The following C12orf42 variants were observed in gnomAD, a reference collection of about 807,000 sequenced individuals.
C12orf42 encodes uncharacterized protein C12orf42.
Under a neutral mutation model 21.6 loss-of-function variants are expected in C12orf42, and 25 were observed. The ratio of observed to expected loss-of-function variants is 1.16; its 90% confidence interval spans 0.84 to 1.62. The LOEUF (loss-of-function observed/expected upper bound fraction) is 1.62. Among genes scored for constraint, C12orf42 ranks in the 40% most tolerant of loss-of-function variants. The pLI is 0.00. For synonymous variants in C12orf42, 174 were observed against 175.0 expected, an observed-to-expected ratio of 0.99 and a Z score of 0.05; for missense variants, 483 against 459.3, an observed-to-expected ratio of 1.05 and a Z score of -0.47.
intron 3 of C12orf42, among the ~76,000 whole-genome samples, chr12:103,395,412 C>T (rs545111218): frequency 7.3e-5 from 11 of 151,496 alleles, no homozygotes; most frequent in Admixed American, 4.6e-4. Flanking sequence ...CTCCGCTCAC[C>T]GCAAGCTCCG....
At chr12:103,417,035 A>T (rs771485930) in intron 2 of C12orf42, among the ~76,000 whole-genome samples, 8 of 152,180 alleles carry the variant, frequency 5.3e-5, no homozygotes, top group Non-Finnish European at 8.8e-5. Flanking sequence ...CACTGTAATA[A>T]AAGCTATCTG....
intron 10 of C12orf42, among the ~76,000 whole-genome samples, chr12:103,256,511 G>A (rs896569921): frequency 1.3e-5 from 2 of 151,750 alleles, no homozygotes; most frequent in Non-Finnish European, 2.9e-5. Flanking sequence ...GTCTAAAGGT[G>A]AATGGATCCC....
chr12:103,226,658 A>G, the C12orf42 span, among the ~76,000 whole-genome samples: 5 of 152,158 alleles, frequency 3.3e-5, no homozygotes, highest in African/African-American at 7.2e-5. Flanking sequence ...GAGGAGGGGA[A>G]GTGATAAAAA....
At chr12:103,497,806 C>T (rs1480299041), upstream of C12orf42, among the ~76,000 whole-genome samples, 3 of 152,052 alleles carry the variant, frequency 2.0e-5, no homozygotes, top group African/African-American at 4.8e-5. Context: ...CCGAGGCAGG[C>T]GGATCACTAG....
chr12:103,316,106 A>G (rs558230816), intron 4 of C12orf42, among the ~76,000 whole-genome samples: 128 of 150,282 alleles, frequency 8.5e-4, no homozygotes, highest in African/African-American at 3.1e-3. Context: ...ATACACACAC[A>G]GTATATATAT....
chr12:103,073,620 C>A, the C12orf42 span, among the ~76,000 whole-genome samples: 1 of 152,042 alleles, frequency 6.6e-6, no homozygotes, highest in South Asian at 2.1e-4. Context: ...CGGTATATGA[C>A]CCCTTCAAAC....
the C12orf42 span, among the ~76,000 whole-genome samples, chr12:103,514,874 T>G: frequency 1.3e-5 from 2 of 152,180 alleles, no homozygotes; most frequent in Non-Finnish European, 2.9e-5. Flanking sequence ...AAATAATTAT[T>G]AGTTTAGTCC....
chr12:103,140,150 G>T, the C12orf42 span, among the ~76,000 whole-genome samples: 3 of 152,160 alleles, frequency 2.0e-5, no homozygotes, highest in African/African-American at 7.2e-5. Flanking sequence ...CAAGATCGGG[G>T]TGTCATCTTT....
chr12:103,276,859 CCTT>C (rs2035802721), intron 5 of C12orf42, among the ~76,000 whole-genome samples: 2 of 152,086 alleles, frequency 1.3e-5, no homozygotes, highest in Non-Finnish European at 2.9e-5. Flanking sequence ...TCATCATCCT[CCTT>C]CTAGAATTGA....
At chr12:103,272,690 A>C (rs7959044) in intron 5 of C12orf42, among the ~76,000 whole-genome samples, 1 of 152,166 alleles carries the variant, frequency 6.6e-6, no homozygotes, top group Admixed American at 6.5e-5. Flanking sequence ...AGAATTTTAG[A>C]CTTTGAATCA....
the C12orf42 span, among the ~76,000 whole-genome samples, chr12:103,062,976 T>C: frequency 6.6e-6 from 1 of 152,298 alleles, no homozygotes; most frequent in South Asian, 2.1e-4. Flanking sequence ...AGTCTACTTC[T>C]AAAAGAATGG....
the C12orf42 span, among the ~76,000 whole-genome samples, chr12:103,229,966 T>A: frequency 0.022 from 3,322 of 152,230 alleles, 175 homozygotes; most frequent in East Asian, 0.18. Context: ...CCAGAGTTCA[T>A]GAAAAAGTTT....
the C12orf42 span, among the ~76,000 whole-genome samples, chr12:103,093,942 G>A: frequency 6.6e-6 from 1 of 152,130 alleles, no homozygotes; most frequent in Non-Finnish European, 1.5e-5. Context: ...CACCTCTTGA[G>A]TTGGAGAATG....
chr12:103,294,467 AAAGAAATAAGCAAGCAAGC>A (rs1206383866), intron 4 of C12orf42, among the ~76,000 whole-genome samples: 1 of 133,172 alleles, frequency 7.5e-6, no homozygotes, highest in Non-Finnish European at 1.6e-5. Flanking sequence ...AGAAAGAAAG[AAAGAAATAAGCAAGCAAGC>A]AAGAAAGAAA....
At chr12:103,153,076 G>T in the C12orf42 span, among the ~76,000 whole-genome samples, 1 of 152,170 alleles carries the variant, frequency 6.6e-6, no homozygotes, top group Non-Finnish European at 1.5e-5. Context: ...GGTAGGGAAA[G>T]AATGGTCTTT....
At chr12:103,370,306 A>T (rs1282844007) in intron 3 of C12orf42, among the ~76,000 whole-genome samples, 1 of 152,180 alleles carries the variant, frequency 6.6e-6, no homozygotes, top group Non-Finnish European at 1.5e-5. Context: ...CCATTGTGGA[A>T]AGCAGTATGG....
chr12:103,331,557 G>A (rs2041240404), intron 4 of C12orf42, among the ~76,000 whole-genome samples: 1 of 152,178 alleles, frequency 6.6e-6, no homozygotes, highest in African/African-American at 2.4e-5. Context: ...CTGTCAAGAA[G>A]TAAAGGTAAG....
chr12:103,336,095 GA>G (rs1441862713), intron 4 of C12orf42, among the ~76,000 whole-genome samples: 3 of 152,138 alleles, frequency 2.0e-5, no homozygotes, highest in Non-Finnish European at 4.4e-5. Flanking sequence ...AAACAATCTT[GA>G]ATATTATATG....
chr12:103,189,851 A>G, the C12orf42 span, among the ~76,000 whole-genome samples: 1 of 152,176 alleles, frequency 6.6e-6, no homozygotes, highest in Non-Finnish European at 1.5e-5. Flanking sequence ...TACTAAAAAT[A>G]TTTGGCCAGA....
Sources: allele counts gnomAD v4.1 joint callset (sites outside exome capture counted in the v4.1 genomes callset), GRCh38; gene constraint gnomAD v4.1.1; transcripts MANE v1.5; gene names NCBI Gene and HGNC (gene_info 2026-07-23, HGNC 2026-07-21).